UBE2R2: variants seen among roughly 807,000 people sequenced by gnomAD.
UBE2R2 encodes ubiquitin-conjugating enzyme E2 R2.
A neutral mutation model predicts 27.8 loss-of-function variants in UBE2R2; 1 was observed. The ratio of observed to expected loss-of-function variants is 0.04; its 90% CI spans 0.01 to 0.17. UBE2R2 has a LOEUF of 0.17. Among genes scored for constraint, UBE2R2 ranks in the 10% least tolerant of loss-of-function variants. The pLI is 1.00. For synonymous variants in UBE2R2, 106 were observed against 113.3 expected (o/e 0.94, Z 0.41); for missense variants, 100 against 291.0 (o/e 0.34, Z 4.78).
At chr9:33,848,312 T>C (rs1358651103) in intron 1 of UBE2R2, among the ~76,000 whole-genome samples, 1 of 152,232 alleles carries the variant, frequency 6.6e-6, no homozygotes, top group Non-Finnish European at 1.5e-5. Flanking sequence ...TTTGTTTCTG[T>C]ACTTTTTTCT....
chr9:33,870,464 G>A (rs1554674577), intron 1 of UBE2R2, among the ~76,000 whole-genome samples: 5 of 152,030 alleles, frequency 3.3e-5, no homozygotes, highest in Non-Finnish European at 4.4e-5. Flanking sequence ...AATGTACTAT[G>A]TTTGGGGAGA....
At chr9:33,842,643 A>G (rs906656992) in intron 1 of UBE2R2, among the ~76,000 whole-genome samples, 3 of 152,214 alleles carry the variant, frequency 2.0e-5, no homozygotes, top group Non-Finnish European at 2.9e-5. Flanking sequence ...GTACATGGGC[A>G]TATGATTTTC....
intron 3 of UBE2R2, among the ~76,000 whole-genome samples, chr9:33,907,833 G>T (rs942299913): frequency 7.9e-5 from 11 of 139,984 alleles, no homozygotes; most frequent in African/African-American, 2.9e-4. Context: ...TTGTTTTGTT[G>T]TTGTTTTTTT....
intron 1 of UBE2R2, among the ~76,000 whole-genome samples, chr9:33,871,385 G>A (rs1363955414): frequency 2.0e-5 from 3 of 152,094 alleles, no homozygotes; most frequent in South Asian, 4.1e-4. Flanking sequence ...TGATGAGTTC[G>A]GTGATTTCAT....
chr9:33,878,191 A>G (rs1358260293), intron 1 of UBE2R2, among the ~76,000 whole-genome samples: 1 of 152,338 alleles, frequency 6.6e-6, no homozygotes, highest in South Asian at 2.1e-4. Flanking sequence ...GGAAACTGAG[A>G]TATAAATTAA....
intron 1 of UBE2R2, among the ~76,000 whole-genome samples, chr9:33,878,533 G>C (rs567196714): frequency 6.6e-6 from 1 of 152,256 alleles, no homozygotes; most frequent in Non-Finnish European, 1.5e-5. Context: ...TGGGAGGATC[G>C]CTTGAATCTC....
intron 1 of UBE2R2, among the ~76,000 whole-genome samples, chr9:33,855,876 G>A (rs1396404695): frequency 6.6e-6 from 1 of 152,162 alleles, no homozygotes; most frequent in Non-Finnish European, 1.5e-5. Flanking sequence ...CCAGGAGTTC[G>A]AAATCAGCCT....
intron 1 of UBE2R2, among the ~76,000 whole-genome samples, chr9:33,861,955 G>A (rs1485783198): frequency 6.7e-6 from 1 of 149,368 alleles, no homozygotes; most frequent in African/African-American, 2.5e-5. Context: ...CCAGGTTCAA[G>A]TGATTCTCCT....
At chr9:33,827,708 T>C (rs1820346542) in intron 1 of UBE2R2, among the ~76,000 whole-genome samples, 1 of 151,374 alleles carries the variant, frequency 6.6e-6, no homozygotes, top group African/African-American at 2.4e-5. Context: ...TGGTGACCCA[T>C]GCCTGTAATC....
intron 1 of UBE2R2, among the ~76,000 whole-genome samples, chr9:33,865,515 C>T (rs988151221): frequency 2.0e-5 from 3 of 151,932 alleles, no homozygotes; most frequent in African/African-American, 4.8e-5. Flanking sequence ...TTTTAAATGC[C>T]GTTTTTCATT....
intron 1 of UBE2R2, among the ~76,000 whole-genome samples, chr9:33,845,483 C>G (rs1039353812): frequency 6.6e-6 from 1 of 151,600 alleles, no homozygotes; most frequent in African/African-American, 2.4e-5. Context: ...CTCCTGACCT[C>G]GTGATCTGCC....
chr9:33,909,345 A>T (rs561315796), intron 3 of UBE2R2, among the ~76,000 whole-genome samples: 1 of 151,968 alleles, frequency 6.6e-6, no homozygotes, highest in East Asian at 2.0e-4. Flanking sequence ...AAATTTGGCC[A>T]ACTGTGGTGG....
At chr9:33,873,314 A>G (rs556549784) in intron 1 of UBE2R2, among the ~76,000 whole-genome samples, 18 of 152,214 alleles carry the variant, frequency 1.2e-4, no homozygotes, top group African/African-American at 4.3e-4. Flanking sequence ...TAGCACAGCA[A>G]TGGTAAAATG....
chr9:33,907,951 T>C (rs7871321), intron 3 of UBE2R2, among the ~76,000 whole-genome samples: 61,602 of 151,794 alleles, frequency 0.41, 12,853 homozygotes, highest in African/African-American at 0.48. Context: ...GCCTCAGCCT[T>C]CCGAGTAGCT....
chr9:33,885,617 T>G (rs1821837828), intron 1 of UBE2R2, among the ~76,000 whole-genome samples: 1 of 152,232 alleles, frequency 6.6e-6, no homozygotes, highest in Non-Finnish European at 1.5e-5. Flanking sequence ...GTTTTTACTT[T>G]GAATGTGTTT....
intron 1 of UBE2R2, among the ~76,000 whole-genome samples, chr9:33,852,493 A>G (rs1434321827): frequency 6.6e-6 from 1 of 152,146 alleles, no homozygotes; most frequent in Non-Finnish European, 1.5e-5. Flanking sequence ...ATTGGCAGCA[A>G]TTTCAGGTAT....
intron 1 of UBE2R2, among the ~76,000 whole-genome samples, chr9:33,852,945 T>A (rs1463129519): frequency 6.6e-6 from 1 of 151,810 alleles, no homozygotes; most frequent in Non-Finnish European, 1.5e-5. Context: ...GAGGCGGAGG[T>A]TGCAGTGAGC....
rs920142494 is a variant in UBE2R2, at chr9:33,817,629, G to C, written c.-129G>C. On this transcript the variant is annotated 5_prime_UTR_variant, in exon 1 of 5. Transcript: ENST00000263228. Reference sequence around the variant, plus strand: ...GTGTGGGGCCTGGTCTGGCCCGCCGGGTGTGTGAAGACCGGGGCCCGGTGC... The same window carrying C: ...GTGTGGGGCCTGGTCTGGCCCGCCGCGTGTGTGAAGACCGGGGCCCGGTGC... The C allele has an allele frequency of 6.5e-6, 7 of 1,083,360 alleles. No homozygotes were observed. The African/African-American group carries it at 1.0e-4, about 16-fold the overall frequency. The allele number at this position is 1,083,360 out of a possible 1,614,324, so 67.1% of individuals were successfully genotyped here.
chr9:33,901,422 T>C (rs1033460529), intron 3 of UBE2R2, among the ~76,000 whole-genome samples: 5 of 152,220 alleles, frequency 3.3e-5, no homozygotes, highest in Non-Finnish European at 7.3e-5. Flanking sequence ...CCTGAACTTT[T>C]CATTCTGTAC....
Sources: allele counts gnomAD v4.1 joint callset (sites outside exome capture counted in the v4.1 genomes callset), GRCh38; gene constraint gnomAD v4.1.1; transcripts MANE v1.5; gene names NCBI Gene and HGNC (gene_info 2026-07-23, HGNC 2026-07-21).